CCDC73: variants seen among roughly 807,000 people sequenced by gnomAD.
CCDC73 encodes the protein coiled-coil domain-containing protein 73.
CCDC73 carries 95 observed loss-of-function variants against 116.5 expected under a neutral mutation model. That is an observed-to-expected ratio of 0.82 (90% CI 0.69 to 0.97). The LOEUF is 0.97. CCDC73 is among the 50% of genes least tolerant of loss of function. The pLI, the probability that CCDC73 is intolerant of heterozygous loss-of-function variation, is 0.00. For synonymous variants in CCDC73, 398 were observed against 401.3 expected (o/e 0.99, Z 0.10); for missense variants, 1,066 against 1,206.8 (o/e 0.88, Z 1.73).
At chr11:32,735,813 T>C (rs1278763469) in intron 2 of CCDC73, among the ~76,000 whole-genome samples, 4 of 152,026 alleles carry the variant, frequency 2.6e-5, no homozygotes, top group Non-Finnish European at 4.4e-5. Flanking sequence ...AAAACAGAGA[T>C]ATAGACCAAT....
chr11:32,632,751 T>C (rs1855643058), intron 14 of CCDC73, among the ~76,000 whole-genome samples: 1 of 152,078 alleles, frequency 6.6e-6, no homozygotes, highest in Admixed American at 6.6e-5. Context: ...GTGTATGTTG[T>C]GTATACTTTA....
intron 9 of CCDC73, among the ~76,000 whole-genome samples, chr11:32,670,326 T>A (rs1401776043): frequency 6.6e-6 from 1 of 151,992 alleles, no homozygotes; most frequent in African/African-American, 2.4e-5. Flanking sequence ...ATCGAGACCA[T>A]CCTGGTTAAC....
At chr11:32,657,602 T>G (rs1375198428) in intron 9 of CCDC73, among the ~76,000 whole-genome samples, 2 of 152,146 alleles carry the variant, frequency 1.3e-5, no homozygotes, top group East Asian at 3.9e-4. Context: ...CTCTGCCTTC[T>G]GGCTCCTGAT....
At chr11:32,654,782 G>A (rs1855855960) in intron 10 of CCDC73, 62 bp downstream of exon 10, 1 of 1,193,114 alleles carries the variant, frequency 8.4e-7, no homozygotes, top group South Asian at 1.8e-5. Context: ...TTACAATTCT[G>A]AAATTCTCAT....
At chr11:32,757,071 A>G (rs112583632) in intron 2 of CCDC73, among the ~76,000 whole-genome samples, 1,822 of 152,276 alleles carry the variant, frequency 0.012, 36 homozygotes, top group African/African-American at 0.042. Context: ...AATGAAAACA[A>G]CAAACTATGG....
chr11:32,777,143 G>A (rs1850544988), intron 1 of CCDC73, among the ~76,000 whole-genome samples: 1 of 135,996 alleles, frequency 7.4e-6, no homozygotes, highest in Non-Finnish European at 1.5e-5. Flanking sequence ...CTGTCACCCA[G>A]GCTGGAGTGT....
At chr11:32,714,655 GA>G (rs1179643304) in intron 3 of CCDC73, among the ~76,000 whole-genome samples, 1 of 151,962 alleles carries the variant, frequency 6.6e-6, no homozygotes, top group Non-Finnish European at 1.5e-5. Context: ...ATTCCATCAA[GA>G]AATTTAAATC....
chr11:32,770,995 G>C (rs1349046657), intron 1 of CCDC73, among the ~76,000 whole-genome samples: 1 of 152,158 alleles, frequency 6.6e-6, no homozygotes, highest in African/African-American at 2.4e-5. Context: ...AAAAATTCAA[G>C]GCAGCCTTAT....
At chr11:32,819,402 G>A in the CCDC73 span, among the ~76,000 whole-genome samples, 4,229 of 151,810 alleles carry the variant, frequency 0.028, 80 homozygotes, top group South Asian at 0.04. Context: ...AACACTAATG[G>A]GGAACTTAAA....
intron 9 of CCDC73, among the ~76,000 whole-genome samples, chr11:32,661,758 T>C (rs897906189): frequency 7.9e-5 from 12 of 151,754 alleles, no homozygotes; most frequent in African/African-American, 2.9e-4. Flanking sequence ...TATGTATACA[T>C]GTGCCATGTT....
chr11:32,689,923 A>G (rs1309179090), intron 6 of CCDC73, among the ~76,000 whole-genome samples: 2 of 152,152 alleles, frequency 1.3e-5, no homozygotes, highest in Non-Finnish European at 2.9e-5. Flanking sequence ...TGAACCCGGG[A>G]GGCGGAGCTT....
At chr11:32,770,359 A>G (rs1172959060) in intron 1 of CCDC73, among the ~76,000 whole-genome samples, 1 of 152,208 alleles carries the variant, frequency 6.6e-6, no homozygotes, top group African/African-American at 2.4e-5. Flanking sequence ...AAGCTATCCT[A>G]GATTCAAAGG....
chr11:32,704,411 C>T (rs1382647556), intron 3 of CCDC73, among the ~76,000 whole-genome samples: 2 of 152,216 alleles, frequency 1.3e-5, no homozygotes, highest in African/African-American at 2.4e-5. Flanking sequence ...CTCGGGGCAG[C>T]GCTGACATGC....
intron 1 of CCDC73, among the ~76,000 whole-genome samples, chr11:32,787,622 T>C (rs115201752): frequency 0.024 from 3,668 of 152,278 alleles, 141 homozygotes; most frequent in African/African-American, 0.081. Context: ...TTGAAAAGAA[T>C]GGCAAATTAG....
chr11:32,628,933 G>A (rs183337551), intron 14 of CCDC73, among the ~76,000 whole-genome samples: 2 of 151,976 alleles, frequency 1.3e-5, no homozygotes, highest in African/African-American at 4.8e-5. Flanking sequence ...ACAATGATAC[G>A]AACATAATGA....
chr11:32,776,948 T>TACACACAC (rs1565099235), intron 1 of CCDC73, among the ~76,000 whole-genome samples: 90 of 136,912 alleles, frequency 6.6e-4, no homozygotes, highest in Admixed American at 1.6e-3. Context: ...TATATATATA[T>TACACACAC]ATATATATAT....
At chr11:32,635,985 T>C (rs1159808780) in intron 13 of CCDC73, among the ~76,000 whole-genome samples, 155 bp from the exon 14 acceptor site, 1 of 152,170 alleles carries the variant, frequency 6.6e-6, no homozygotes, top group Non-Finnish European at 1.5e-5. Context: ...ATTTATTGAA[T>C]TGGGCTGACT....
chr11:32,667,442 G>A (rs1195531676), intron 9 of CCDC73, among the ~76,000 whole-genome samples: 2 of 152,340 alleles, frequency 1.3e-5, no homozygotes, highest in East Asian at 3.9e-4. Context: ...AATGCTCCGT[G>A]GGTGTGGCAC....
intron 12 of CCDC73, among the ~76,000 whole-genome samples, chr11:32,647,917 T>C (rs1036760949): frequency 1.3e-5 from 2 of 151,892 alleles, no homozygotes; most frequent in African/African-American, 4.8e-5. Flanking sequence ...CTACCATTGG[T>C]TTAACAACCA....
Sources: allele counts gnomAD v4.1 joint callset (sites outside exome capture counted in the v4.1 genomes callset), GRCh38; gene constraint gnomAD v4.1.1; transcripts MANE v1.5; gene names NCBI Gene and HGNC (gene_info 2026-07-23, HGNC 2026-07-21).